EFHD1: variants seen among roughly 807,000 people sequenced by gnomAD.
EFHD1 encodes EF-hand domain family member D1, also known as EF-hand domain-containing protein D1.
Under a neutral mutation model 17.2 loss-of-function variants are expected in EFHD1, and 10 were observed. That is an observed-to-expected ratio of 0.58 (90% confidence interval 0.36 to 0.99). The LOEUF (loss-of-function observed/expected upper bound fraction) is 0.99. Among genes scored for constraint, EFHD1 ranks in the 50% least tolerant of loss-of-function variants. The pLI, the probability that EFHD1 is intolerant of heterozygous loss-of-function variation, is 0.01. For synonymous variants in EFHD1, 153 were observed against 142.0 expected, an observed-to-expected ratio of 1.08 and a Z score of -0.55; for missense variants, 310 against 327.5, an observed-to-expected ratio of 0.95 and a Z score of 0.41.
At chr2:232,609,214 C>G (rs1050304474) in intron 1 of EFHD1, among the ~76,000 whole-genome samples, 19 of 151,572 alleles carry the variant, frequency 1.3e-4, no homozygotes, top group African/African-American at 3.6e-4. Flanking sequence ...CGCCCACCAC[C>G]ATGCCCGGCT....
At chr2:232,619,800 G>T (rs917650749) in intron 1 of EFHD1, among the ~76,000 whole-genome samples, 1 of 152,158 alleles carries the variant, frequency 6.6e-6, no homozygotes. Flanking sequence ...GGAGGCTGAG[G>T]TGGGAGGATC....
intron 1 of EFHD1, among the ~76,000 whole-genome samples, chr2:232,623,169 C>A (rs34563978): frequency 5.3e-5 from 8 of 151,910 alleles, no homozygotes; most frequent in African/African-American, 1.9e-4. Context: ...ACTTTGGCCT[C>A]CCGAGTAGTT....
intron 1 of EFHD1, among the ~76,000 whole-genome samples, chr2:232,613,873 TAC>T (rs1001333641): frequency 1.3e-4 from 16 of 120,692 alleles, no homozygotes; most frequent in Non-Finnish European, 2.3e-4. Context: ...TAGACAAATA[TAC>T]ACACACATAT....
At chr2:232,679,639 G>A (rs1366872234) in intron 3 of EFHD1, among the ~76,000 whole-genome samples, 4 of 151,200 alleles carry the variant, frequency 2.6e-5, no homozygotes, top group Non-Finnish European at 4.4e-5. Flanking sequence ...GCTTGAGCTC[G>A]GGAGTTCGAG....
intron 3 of EFHD1, among the ~76,000 whole-genome samples, chr2:232,673,666 G>A (rs989305156): frequency 9.9e-5 from 15 of 151,920 alleles, no homozygotes; most frequent in African/African-American, 3.6e-4. Flanking sequence ...ACATGGAAGT[G>A]GTGTTATAAT....
chr2:232,671,771 T>A (rs188813607), intron 2 of EFHD1, among the ~76,000 whole-genome samples: 51 of 141,540 alleles, frequency 3.6e-4, no homozygotes, highest in African/African-American at 1.2e-3. Flanking sequence ...AATAAAAGTT[T>A]GAGGGTGGGA....
chr2:232,681,751 T>G lies in EFHD1; in HGVS notation c.*32T>G. 1 of 1,607,848 alleles carries G rather than the reference T, an allele frequency of 6.2e-7. No homozygotes were observed. Among genetic ancestry groups the G allele is most frequent in the Non-Finnish European group, 8.5e-7 (1 of 1,177,166 alleles). On this transcript the variant is annotated 3_prime_UTR_variant, in exon 4 of 4. Coordinates refer to ENST00000264059, the MANE Select transcript of EFHD1 (RefSeq NM_025202.4). ...TGACCTTGCCCTCTGCCCACAGCTG[T>G]GCCTCACAGATGCCCCGAGAAGAGA...
chr2:232,610,632 CTT>C (rs1693799355), intron 1 of EFHD1: 1 of 152,126 alleles, frequency 6.6e-6, no homozygotes, highest in Non-Finnish European at 1.5e-5. Flanking sequence ...AATCCCAACA[CTT>C]TGGGAACCTG....
chr2:232,671,602 CT>C (rs1161695685), intron 2 of EFHD1, among the ~76,000 whole-genome samples: 3 of 151,910 alleles, frequency 2.0e-5, no homozygotes, highest in Non-Finnish European at 2.9e-5. Context: ...TGGTGCATCC[CT>C]GTAATCCCAG....
chr2:232,667,213 G>A (rs1195777836), intron 2 of EFHD1, among the ~76,000 whole-genome samples: 3 of 152,140 alleles, frequency 2.0e-5, no homozygotes, highest in Non-Finnish European at 2.9e-5. Flanking sequence ...CTGGAGCCTG[G>A]CTGTGCTGGG....
At chr2:232,657,051 A>G (rs959682696) in intron 1 of EFHD1, among the ~76,000 whole-genome samples, 1 of 152,246 alleles carries the variant, frequency 6.6e-6, no homozygotes, top group Non-Finnish European at 1.5e-5. Flanking sequence ...GAGTGCTGGG[A>G]TAACAGGCAA....
chr2:232,628,253 G>T (rs893805704), intron 1 of EFHD1, among the ~76,000 whole-genome samples: 1 of 152,082 alleles, frequency 6.6e-6, no homozygotes, highest in Non-Finnish European at 1.5e-5. Context: ...TAGAGACGGG[G>T]TTTCACCGTG....
intron 2 of EFHD1, among the ~76,000 whole-genome samples, chr2:232,668,362 G>A (rs1695003695): frequency 6.6e-6 from 1 of 152,196 alleles, no homozygotes; most frequent in African/African-American, 2.4e-5. Flanking sequence ...GATGCTGCTG[G>A]TCACCTGCTG....
chr2:232,638,783 A>C (rs1296517239), intron 1 of EFHD1, among the ~76,000 whole-genome samples: 1 of 152,232 alleles, frequency 6.6e-6, no homozygotes, highest in African/African-American at 2.4e-5. Context: ...GGCAAGAGGT[A>C]CTGACTTGTC....
intron 3 of EFHD1, among the ~76,000 whole-genome samples, chr2:232,674,548 C>G (rs1011940676): frequency 2.6e-5 from 4 of 152,044 alleles, no homozygotes; most frequent in African/African-American, 9.7e-5. Context: ...ATTTTTATAA[C>G]TGGAGAAAAG....
In EFHD1 at chr2:232,626,409, G is replaced by A. The variant is rs189966943; in HGVS notation, c.14+20236G>A. On this transcript the variant is annotated intron_variant, in intron 1 of 3. Coordinates refer to the EFHD1 transcript ENST00000409613. ...AAAAATACAAAAAAATTAGCTGGGC[G>A]TGGTGGTGCATGCCTATAATCCCAG... is the stretch of plus-strand genomic sequence containing the variant. 3.3e-5 allele frequency among the ~76,000 whole-genome samples: 5 copies of A among 151,764 alleles called. No individual in the cohort carries two copies. The East Asian group carries it at 5.9e-4, about 18-fold the overall frequency.
At chr2:232,667,957 G>T (rs778715364) in intron 2 of EFHD1, among the ~76,000 whole-genome samples, 4 of 152,248 alleles carry the variant, frequency 2.6e-5, no homozygotes, top group Non-Finnish European at 5.9e-5. Flanking sequence ...TACCGTGGGA[G>T]TGTTTGCATC....
intron 2 of EFHD1, among the ~76,000 whole-genome samples, chr2:232,665,258 C>T (rs1034254577): frequency 2.0e-5 from 3 of 152,054 alleles, no homozygotes; most frequent in African/African-American, 7.2e-5. Context: ...TGGCTAAGAA[C>T]GTCTGAGAAA....
chr2:232,672,714 A>G (rs1035478366), intron 3 of EFHD1, among the ~76,000 whole-genome samples: 1 of 152,214 alleles, frequency 6.6e-6, no homozygotes, highest in East Asian at 1.9e-4. Flanking sequence ...TGATTAAATG[A>G]GTTCATGTAC....
Sources: allele counts gnomAD v4.1 joint callset (sites outside exome capture counted in the v4.1 genomes callset), GRCh38; gene constraint gnomAD v4.1.1; transcripts MANE v1.5; gene names NCBI Gene and HGNC (gene_info 2026-07-23, HGNC 2026-07-21).